OTOP1: variants seen among roughly 807,000 people sequenced by gnomAD.
OTOP1 encodes proton channel OTOP1.
Under a neutral mutation model 52.9 loss-of-function variants are expected in OTOP1, and 59 were observed. The ratio of observed to expected loss-of-function variants is 1.12; its 90% CI spans 0.91 to 1.39. The LOEUF (loss-of-function observed/expected upper bound fraction) is 1.39. OTOP1 is among the 40% of genes most tolerant of loss of function. The pLI is 0.00. For synonymous variants in OTOP1, 317 were observed against 337.7 expected (o/e 0.94, Z 0.67); for missense variants, 761 against 800.9 (o/e 0.95, Z 0.60).
chr4:4,198,123 C>A lies in OTOP1; in HGVS notation c.731-20G>T, dbSNP rs188056427. On this transcript the variant is annotated intron_variant, in intron 4 of 5. Transcript: ENST00000296358. The stretch of plus-strand genomic sequence containing the variant: ...CTAAAACTAGGGGAGACAGGTAGAT[C>A]ACACAGGAGGGCGATTAGCAGGTGC... 1.9e-6 allele frequency: 3 copies of A among 1,587,864 alleles called. No individual in the cohort carries two copies. The Admixed American group carries it at 5.0e-5, about 27-fold the overall frequency.
intron 4 of OTOP1, among the ~76,000 whole-genome samples, chr4:4,200,465 A>T (rs1716757559): frequency 8.9e-6 from 1 of 111,906 alleles, no homozygotes; most frequent in Non-Finnish European, 1.9e-5. Context: ...GACGAGCGAG[A>T]CTCCGTCTAA....
chr4:4,219,920 CGT>C (rs1338806142), intron 1 of OTOP1, among the ~76,000 whole-genome samples: 1 of 136,056 alleles, frequency 7.3e-6, no homozygotes, highest in African/African-American at 3.0e-5. Context: ...TGTGTATATA[CGT>C]ATACATGTAT....
At chr4:4,203,723 G>A (rs926722553) in intron 3 of OTOP1, among the ~76,000 whole-genome samples, 7 of 152,326 alleles carry the variant, frequency 4.6e-5, no homozygotes, top group African/African-American at 1.4e-4. Context: ...CAGGTAGCAC[G>A]TGCAGCAAAC....
At position 4,220,101 on chromosome 4, in the gene OTOP1, ATATAT is replaced by A. The variant is rs1189976609; in HGVS notation, c.403+6356_403+6360del. On this transcript the variant is annotated intron_variant, in intron 1 of 5. Coordinates refer to ENST00000296358, the MANE Select transcript of OTOP1 (RefSeq NM_177998.3). ...TATACATATATATATATATATATAT[ATATAT>A]TTTTTTTTTTTTTGAGATGGAGTTT... is the stretch of plus-strand genomic sequence containing the variant. Among the ~76,000 whole-genome samples the A allele has an allele frequency of 9.1e-4, 60 of 65,840 alleles. 4 individuals are homozygous for A. Among genetic ancestry groups the A allele is most frequent in the African/African-American group, 2.1e-3 (32 of 15,562 alleles). 43.2% of individuals were successfully genotyped at this position (65,840 alleles called of 152,430 possible). A position where few individuals can be genotyped will look rare whatever the true frequency, so the allele number is the denominator to read the frequency against.
chr4:4,213,232 C>A (rs528558654), intron 1 of OTOP1, among the ~76,000 whole-genome samples: 1 of 152,274 alleles, frequency 6.6e-6, no homozygotes, highest in South Asian at 2.1e-4. Context: ...CCTCACCTTA[C>A]ACCATATACA....
chr4:4,201,371 G>A (rs1716782384), intron 4 of OTOP1, among the ~76,000 whole-genome samples: 1 of 152,006 alleles, frequency 6.6e-6, no homozygotes, highest in Admixed American at 6.6e-5. Context: ...AGGTTGCAGT[G>A]AGCCGAGGTC....
chr4:4,198,010 A>T lies in OTOP1; in HGVS notation c.824T>A (p.Ile275Lys), dbSNP rs765421377. ...HGIYYLYPFN[I>K]EYQILASTML... Reference sequence around the variant, plus strand: ...TGTGGAGGCCAGGATCTGATACTCTATGTTGAAGGGGTAGAGGTAGTAGAT... The same window carrying T: ...TGTGGAGGCCAGGATCTGATACTCTTTGTTGAAGGGGTAGAGGTAGTAGAT... The change falls in exon 5 of 6, where the codon ATA (isoleucine) becomes AAA (lysine). Residue 275 changes from isoleucine (I) to lysine (K), a missense_variant. This residue lies in a region of OTOP1 where 632 missense variants were observed against 619.5 expected (regional missense o/e 1.02). Transcript: ENST00000296358. 3.1e-6 allele frequency: 5 copies of T among 1,613,986 alleles called. 1 individual carries two copies. The South Asian group carries it at 5.5e-5, about 18-fold the overall frequency.
At position 4,206,135 on chromosome 4, in the gene OTOP1, A is replaced by T. The variant is rs1716900806; in HGVS notation, c.541-5T>A. 6.3e-7 allele frequency: 1 copy of T among 1,597,204 alleles called. No individual in the cohort carries two copies. The highest frequency in any genetic ancestry group is 1.3e-5 in the African/African-American group (1 of 74,474). Reference sequence around the variant, plus strand: ...ATGCCCCCAAAGAAAATATACCTAGATGGAAATAAAGAAAGAAAAGAAAAA... The same window carrying T: ...ATGCCCCCAAAGAAAATATACCTAGTTGGAAATAAAGAAAGAAAAGAAAAA... On this transcript the variant is annotated splice_region_variant and splice_polypyrimidine_tract_variant and intron_variant, in intron 2 of 5. Coordinates refer to ENST00000296358, the MANE Select transcript of OTOP1 (RefSeq NM_177998.3).
At position 4,202,548 on chromosome 4, in the gene OTOP1, G is replaced by T; in HGVS notation, c.630C>A (p.Asn210Lys). The change falls in exon 4 of 6, where the codon AAC becomes AAA. Residue 210 changes from asparagine to lysine, a missense_variant. Physicochemically the swap from Asn to Lys is moderately conservative, Grantham distance 94. Around this residue, in one of 3 missense-constraint regions of OTOP1, gnomAD observed 632 missense variants for 619.5 expected, o/e 1.02. Transcript: ENST00000296358. ...GGACGCCATTGGCCCACAGAAGCAG[G>T]TTGGTGAACACCGAGTGGATCACTC... ...RFGVIHSVFTNLLLWANGVLN... is the reference protein window; with the variant it reads ...RFGVIHSVFTKLLLWANGVLN... 1.2e-6 allele frequency: 2 copies of T among 1,614,070 alleles called. No homozygotes were observed. Among genetic ancestry groups the T allele is most frequent in the Non-Finnish European group, 1.7e-6 (2 of 1,179,956 alleles).
At chr4:4,193,611 C>A (rs1336426126) in intron 5 of OTOP1, among the ~76,000 whole-genome samples, 1 of 152,188 alleles carries the variant, frequency 6.6e-6, no homozygotes, top group Non-Finnish European at 1.5e-5. Context: ...CTCCACCCTG[C>A]AATGATTTCC....
chr4:4,190,862 T>C (rs1716486595), intron 5 of OTOP1, among the ~76,000 whole-genome samples: 1 of 152,166 alleles, frequency 6.6e-6, no homozygotes, highest in South Asian at 2.1e-4. Context: ...CCTCTTAATG[T>C]TGGCCAGCGT....
chr4:4,213,088 G>A, intron 1 of OTOP1, 84 bp from the exon 2 acceptor site: 5 of 1,496,162 alleles, frequency 3.3e-6, no homozygotes, highest in African/African-American at 2.8e-5. Context: ...ATTATATTGT[G>A]TATTAAACCC....
intron 4 of OTOP1, among the ~76,000 whole-genome samples, chr4:4,200,262 G>A (rs190884377): frequency 1.4e-4 from 22 of 152,144 alleles, no homozygotes; most frequent in African/African-American, 4.8e-4. Flanking sequence ...TTGGAAGGCC[G>A]AGGCGGGCGG....
intron 1 of OTOP1, 131 bp downstream of exon 1, chr4:4,226,331 A>C (rs1717432110): frequency 1.0e-5 from 9 of 892,526 alleles, no homozygotes; most frequent in Non-Finnish European, 1.4e-5. Context: ...AAGCTAGGAA[A>C]GATGCACAGA....
intron 1 of OTOP1, among the ~76,000 whole-genome samples, chr4:4,220,577 C>T (rs1271896666): frequency 1.3e-5 from 2 of 152,168 alleles, no homozygotes; most frequent in Non-Finnish European, 2.9e-5. Flanking sequence ...ACACCTATCT[C>T]ATAGGGGTGC....
intron 2 of OTOP1, among the ~76,000 whole-genome samples, chr4:4,207,595 GTATA>G (rs10582588): frequency 0.67 from 100,837 of 149,914 alleles, 34,330 homozygotes; most frequent in African/African-American, 0.76. Context: ...CCACTTCTGG[GTATA>G]TATATATATA....
chr4:4,221,663 G>A (rs1428105383), intron 1 of OTOP1, among the ~76,000 whole-genome samples: 1 of 152,154 alleles, frequency 6.6e-6, no homozygotes, highest in Non-Finnish European at 1.5e-5. Context: ...TTTGTTTATT[G>A]CTGTTTCTCT....
intron 2 of OTOP1, among the ~76,000 whole-genome samples, chr4:4,210,762 C>T (rs548851001): frequency 2.0e-5 from 3 of 152,030 alleles, no homozygotes; most frequent in Admixed American, 1.3e-4. Flanking sequence ...ACCCAGGAGA[C>T]GGAAGTTGCA....
intron 4 of OTOP1, among the ~76,000 whole-genome samples, chr4:4,200,845 A>T (rs939675352): frequency 6.6e-6 from 1 of 151,606 alleles, no homozygotes; most frequent in African/African-American, 2.4e-5. Flanking sequence ...GGCATGAGTC[A>T]CTGCCCCCGA....
Sources: gnomAD v4.1 joint callset for allele counts (sites outside exome capture counted in the v4.1 genomes callset) on GRCh38, gnomAD v4.1.1 for gene constraint, gnomAD v4.1.1 regional missense constraint, MANE v1.5 for transcripts, NCBI Gene and HGNC (gene_info 2026-07-23, HGNC 2026-07-21) for gene names.